Variants in SPTBN1 observed in about 807,000 individuals in gnomAD.
The protein encoded by SPTBN1 is spectrin beta chain, non-erythrocytic 1.
A neutral mutation model predicts 266.4 loss-of-function variants in SPTBN1; 32 were observed. The observed-to-expected ratio is 0.12, with a 90% CI of 0.09 to 0.16. The LOEUF (loss-of-function observed/expected upper bound fraction) is 0.16, where lower values mean the gene tolerates loss of function less well. SPTBN1 is among the 10% of genes least tolerant of loss of function. The pLI is 1.00. For missense variants in SPTBN1, 2,296 were observed against 3,067.1 expected (o/e 0.75, Z 5.94); for synonymous variants, 1,336 against 1,162.2 (o/e 1.15, Z -3.04).
chr2:54,595,698 A>G (rs1676031794), intron 2 of SPTBN1, among the ~76,000 whole-genome samples: 2 of 152,236 alleles, frequency 1.3e-5, no homozygotes, highest in South Asian at 4.1e-4. Context: ...AAGAATAGCA[A>G]CCCACCTTGG....
intron 12 of SPTBN1, among the ~76,000 whole-genome samples, chr2:54,627,732 T>C (rs1397102566): frequency 6.6e-6 from 1 of 152,218 alleles, no homozygotes; most frequent in Non-Finnish European, 1.5e-5. Flanking sequence ...AGCTCCAGTT[T>C]ATATTTTGGA....
chr2:54,552,638 A>G (rs1156555583), intron 2 of SPTBN1, among the ~76,000 whole-genome samples: 2 of 151,346 alleles, frequency 1.3e-5, no homozygotes, highest in Admixed American at 6.6e-5. Context: ...TGTATTTTCA[A>G]TAGAGACTGG....
At chr2:54,465,301 C>T (rs1693569462) in intron 1 of SPTBN1, among the ~76,000 whole-genome samples, 1 of 152,094 alleles carries the variant, frequency 6.6e-6, no homozygotes, top group Non-Finnish European at 1.5e-5. Flanking sequence ...AGTCTCCACA[C>T]TTGAGTGCAG....
intron 1 of SPTBN1, among the ~76,000 whole-genome samples, chr2:54,514,116 A>G (rs1029163380): frequency 6.6e-6 from 1 of 152,240 alleles, no homozygotes; most frequent in Admixed American, 6.5e-5. Context: ...TCCATTTGTA[A>G]TATCACTGTT....
At chr2:54,557,141 G>GTTGGGGGTTGT (rs1672927897) in intron 2 of SPTBN1, among the ~76,000 whole-genome samples, 1 of 152,240 alleles carries the variant, frequency 6.6e-6, no homozygotes, top group Non-Finnish European at 1.5e-5. Flanking sequence ...GCTGGAAGGA[G>GTTGGGGGTTGT]TTGGGGGTTG....
At chr2:54,505,342 C>CT (rs376787368) in intron 1 of SPTBN1, among the ~76,000 whole-genome samples, 3 of 152,162 alleles carry the variant, frequency 2.0e-5, no homozygotes, top group African/African-American at 7.2e-5. Flanking sequence ...GTACAGTATA[C>CT]TTTCAGGCAA....
chr2:54,584,572 T>C (rs967769981), intron 2 of SPTBN1, among the ~76,000 whole-genome samples: 3 of 152,194 alleles, frequency 2.0e-5, no homozygotes, highest in African/African-American at 7.2e-5. Flanking sequence ...TAGTTTATTT[T>C]CCCCTACTTC....
chr2:54,641,593 T>C (rs997361578), intron 18 of SPTBN1, among the ~76,000 whole-genome samples: 3 of 152,240 alleles, frequency 2.0e-5, no homozygotes, highest in South Asian at 2.1e-4. Context: ...CAAAGGACTT[T>C]ATGAGATTTG....
intron 1 of SPTBN1, among the ~76,000 whole-genome samples, chr2:54,469,139 T>C (rs1693786846): frequency 6.6e-6 from 1 of 152,236 alleles, no homozygotes. Flanking sequence ...ATCAGATGGA[T>C]GGAGGTGACT....
intron 3 of SPTBN1, among the ~76,000 whole-genome samples, chr2:54,608,236 G>A (rs1269812671): frequency 6.6e-6 from 1 of 152,190 alleles, no homozygotes; most frequent in Non-Finnish European, 1.5e-5. Context: ...TTGCTCTTAG[G>A]AAGCGAACAG....
At chr2:54,494,156 GACTT>G (rs201738833) in intron 1 of SPTBN1, among the ~76,000 whole-genome samples, 2,273 of 152,236 alleles carry the variant, frequency 0.015, 60 homozygotes, top group African/African-American at 0.052. Context: ...ATACAGACAT[GACTT>G]ACTTGAGAAA....
At chr2:54,510,459 A>G (rs1669798246) in intron 1 of SPTBN1, among the ~76,000 whole-genome samples, 1 of 152,236 alleles carries the variant, frequency 6.6e-6, no homozygotes, top group African/African-American at 2.4e-5. Flanking sequence ...GCTGGTGCCC[A>G]GCCCCTGATA....
At chr2:54,508,678 AGGGAGTAGGT>A (rs1669705068) in intron 1 of SPTBN1, among the ~76,000 whole-genome samples, 1 of 152,116 alleles carries the variant, frequency 6.6e-6, no homozygotes, top group Non-Finnish European at 1.5e-5. Flanking sequence ...AGTTTCAGCG[AGGGAGTAGGT>A]GGGAGTGGCC....
intron 1 of SPTBN1, among the ~76,000 whole-genome samples, chr2:54,519,978 G>C (rs1670340153): frequency 6.6e-6 from 1 of 152,126 alleles, no homozygotes; most frequent in South Asian, 2.1e-4. Context: ...GTAGAGGTCG[G>C]GGCTGTGAGT....
chr2:54,621,253 T>C, intron 7 of SPTBN1, 147 bp from the exon 8 acceptor site: 1 of 543,414 alleles, frequency 1.8e-6, no homozygotes, highest in Non-Finnish European at 3.3e-6. Flanking sequence ...TCCTTGTAAT[T>C]AATGCACGGA....
chr2:54,624,305 AT>A (rs544202390), intron 10 of SPTBN1, among the ~76,000 whole-genome samples: 56 of 147,238 alleles, frequency 3.8e-4, no homozygotes, highest in Middle Eastern at 3.5e-3. Context: ...GGAAGGTTTG[AT>A]TTTTTTTTTT....
At position 54,628,315 on chromosome 2, in the gene SPTBN1, G is replaced by GT. The variant is rs1476477173; in HGVS notation, c.1798+66dup. The GT allele has an allele frequency of 1.3e-6, 2 of 1,508,066 alleles. No homozygotes were observed. The highest frequency in any genetic ancestry group is 1.8e-6 in the Non-Finnish European group (2 of 1,128,760). The allele number at this position is 1,508,066 out of a possible 1,614,324, so 93.4% of individuals were successfully genotyped here. A position where few individuals can be genotyped will look rare whatever the true frequency, so the allele number is the denominator to read the frequency against. ...AGAGATTCATATTTATAGAAACACAGTGGGGCTTTTGAAGTTACTGTGCCA... is the reference window on the plus strand; with the variant it reads ...AGAGATTCATATTTATAGAAACACAGTTGGGGCTTTTGAAGTTACTGTGCCA... On this transcript the variant is annotated intron_variant, in intron 13 of 35. Coordinates refer to ENST00000356805, the MANE Select transcript of SPTBN1 (RefSeq NM_003128.3). The surrounding 1 kb of genome is among the most constrained non-coding windows in gnomAD (Gnocchi z 4.3).
chr2:54,489,344 G>A (rs1668570156), intron 1 of SPTBN1, among the ~76,000 whole-genome samples: 1 of 151,614 alleles, frequency 6.6e-6, no homozygotes, highest in African/African-American at 2.4e-5. Flanking sequence ...ATAGTAAATG[G>A]TATAACTGAA....
intron 1 of SPTBN1, among the ~76,000 whole-genome samples, chr2:54,496,687 C>A (rs1668988635): frequency 1.3e-5 from 2 of 152,262 alleles, no homozygotes; most frequent in African/African-American, 4.8e-5. Context: ...CACTAGTAAG[C>A]AGACTTGCAA....
Sources: gnomAD v4.1 joint callset for allele counts (sites outside exome capture counted in the v4.1 genomes callset) on GRCh38, gnomAD v4.1.1 for gene constraint, Gnocchi (gnomAD v3.1) non-coding constraint, MANE v1.5 for transcripts, NCBI Gene and HGNC (gene_info 2026-07-23, HGNC 2026-07-21) for gene names.